ABHD18: variants seen among roughly 807,000 people sequenced by gnomAD.
ABHD18 encodes abhydrolase domain containing 18, also known as cardiolipin-specific deacylase, mitochondrial.
ABHD18 carries 55 observed loss-of-function variants against 65.9 expected under a neutral mutation model. The observed-to-expected ratio is 0.84, with a 90% CI of 0.67 to 1.05. ABHD18 has a LOEUF of 1.05. Ranked by LOEUF, ABHD18 falls within the 50% of genes least tolerant of loss-of-function variation. The pLI, the probability that ABHD18 is intolerant of heterozygous loss-of-function variation, is 0.00. For synonymous variants in ABHD18, 181 were observed against 180.2 expected (o/e 1.00, Z -0.04); for missense variants, 533 against 558.5 (o/e 0.95, Z 0.46).
At chr4:127,987,705 T>TC (rs957258813) in intron 3 of ABHD18, among the ~76,000 whole-genome samples, 11 of 142,968 alleles carry the variant, frequency 7.7e-5, no homozygotes, top group Non-Finnish European at 1.1e-4. Flanking sequence ...AGAGCAAGAC[T>TC]CAAAAAAAAA....
At chr4:128,031,099 A>G in intron 12 of ABHD18, 2 of 989,294 alleles carry the variant, frequency 2.0e-6, no homozygotes, top group South Asian at 9.3e-5. Context: ...AACCTTAAAT[A>G]AGAAGTGCTT....
chr4:128,032,636 T>TCG (rs1308246608), intron 12 of ABHD18, among the ~76,000 whole-genome samples: 1 of 152,034 alleles, frequency 6.6e-6, no homozygotes, highest in Non-Finnish European at 1.5e-5. Flanking sequence ...CAGTGAGCTA[T>TCG]CGCACCACTG....
At chr4:127,990,392 A>G (rs1444058309) in intron 4 of ABHD18, among the ~76,000 whole-genome samples, 1 of 152,032 alleles carries the variant, frequency 6.6e-6, no homozygotes, top group Non-Finnish European at 1.5e-5. Context: ...GCGAAACCCC[A>G]TCTCTACTGA....
intron 1 of ABHD18, among the ~76,000 whole-genome samples, chr4:127,973,496 C>T (rs939017994): frequency 1.3e-5 from 2 of 152,008 alleles, no homozygotes; most frequent in African/African-American, 4.8e-5. Context: ...TGGTTTCTCT[C>T]AGTGTAGCAG....
intron 3 of ABHD18, among the ~76,000 whole-genome samples, 167 bp downstream of exon 3, chr4:127,984,590 G>T (rs1416102660): frequency 1.3e-5 from 2 of 152,222 alleles, no homozygotes; most frequent in Non-Finnish European, 2.9e-5. Flanking sequence ...AGGTGTGGTG[G>T]CTCACGCCTG....
chr4:127,986,425 CTATTG>C (rs1300432480), intron 3 of ABHD18, among the ~76,000 whole-genome samples: 5 of 152,096 alleles, frequency 3.3e-5, no homozygotes, highest in African/African-American at 4.8e-5. Flanking sequence ...AAATAATATT[CTATTG>C]TATTGTATAC....
intron 11 of ABHD18, among the ~76,000 whole-genome samples, chr4:128,029,214 T>C (rs1757840203): frequency 6.7e-6 from 1 of 150,108 alleles, no homozygotes; most frequent in African/African-American, 2.5e-5. Flanking sequence ...AAAAAAGTAG[T>C]CATGTGTGGT....
chr4:127,982,226 G>A (rs1749182661), intron 1 of ABHD18, among the ~76,000 whole-genome samples: 2 of 152,114 alleles, frequency 1.3e-5, no homozygotes, highest in Non-Finnish European at 2.9e-5. Flanking sequence ...ATTTATTTAA[G>A]TAGAGTAAAC....
intron 10 of ABHD18, among the ~76,000 whole-genome samples, chr4:128,023,600 G>T (rs1756888567): frequency 6.7e-6 from 1 of 149,282 alleles, no homozygotes; most frequent in African/African-American, 2.5e-5. Context: ...AAAAAAAAAA[G>T]GCTGGGCGCA....
intron 4 of ABHD18, among the ~76,000 whole-genome samples, chr4:127,997,878 G>T: frequency 6.9e-6 from 1 of 144,744 alleles, no homozygotes; most frequent in East Asian, 2.0e-4. Flanking sequence ...CCTCCTCCTC[G>T]TTTTTTTTTG....
intron 10 of ABHD18, among the ~76,000 whole-genome samples, chr4:128,025,202 CT>C (rs1391493048): frequency 6.6e-6 from 1 of 151,864 alleles, no homozygotes; most frequent in Non-Finnish European, 1.5e-5. Context: ...CTTTTTTTAT[CT>C]TTTTCTTTTT....
intron 1 of ABHD18, among the ~76,000 whole-genome samples, chr4:127,973,124 C>G (rs911302234): frequency 3.3e-5 from 5 of 152,076 alleles, no homozygotes; most frequent in African/African-American, 1.2e-4. Flanking sequence ...AGCAATCCTC[C>G]CGCCTCAGCC....
Position 128,021,205 on chromosome 4 carries a change from A to G in ABHD18, c.768A>G (p.Glu256=). The G allele has an allele frequency of 1.9e-6, 3 of 1,547,790 alleles. No homozygotes were observed. The South Asian group carries it at 3.6e-5, about 18-fold the overall frequency. ...EKQYYTQTVY[E]EEIIHMLEYC... Reference sequence around the variant, plus strand: ...AATATTATACCCAGACAGTTTATGAAGAAGAAATTATTCACATGCTTGAAT... The same window carrying G: ...AATATTATACCCAGACAGTTTATGAGGAAGAAATTATTCACATGCTTGAAT... Residue 256 remains glutamate (E), a synonymous_variant, in exon 10 of 13, where the codon GAA becomes GAG. Coordinates refer to ENST00000645843, the MANE Select transcript of ABHD18 (RefSeq NM_001358451.3).
intron 11 of ABHD18, among the ~76,000 whole-genome samples, chr4:128,029,352 T>TCACA (rs761301032): frequency 6.6e-6 from 1 of 151,260 alleles, no homozygotes; most frequent in Non-Finnish European, 1.5e-5. Context: ...AGCAAGACTC[T>TCACA]CACACACACA....
intron 1 of ABHD18, among the ~76,000 whole-genome samples, chr4:127,974,408 C>T (rs1397356177): frequency 6.6e-6 from 1 of 151,726 alleles, no homozygotes; most frequent in African/African-American, 2.4e-5. Flanking sequence ...CTCACTGTGT[C>T]ACCCTGGCCT....
At chr4:127,978,804 C>T (rs377582243) in intron 1 of ABHD18, among the ~76,000 whole-genome samples, 1 of 152,122 alleles carries the variant, frequency 6.6e-6, no homozygotes, top group African/African-American at 2.4e-5. Flanking sequence ...TACAGATGCT[C>T]CTCAGCTTAT....
At chr4:128,014,284 A>T (rs1445946071) in intron 7 of ABHD18, among the ~76,000 whole-genome samples, 1 of 152,122 alleles carries the variant, frequency 6.6e-6, no homozygotes, top group East Asian at 1.9e-4. Context: ...CGCCCAGCTG[A>T]AGAATTTCCA....
chr4:128,039,048 C>T lies in ABHD18; in HGVS notation c.*3235C>T, dbSNP rs539717637. ...TCAAATACATAAATATACACATATA[C>T]GTATATGTATACGTTTTATATATAT... On this transcript the variant is annotated 3_prime_UTR_variant, in exon 13 of 13. Coordinates refer to ENST00000645843, the MANE Select transcript of ABHD18 (RefSeq NM_001358451.3). 6 of 147,064 alleles carry T rather than the reference C, an allele frequency of 4.1e-5. No individual in the cohort carries two copies. Among genetic ancestry groups the T allele is most frequent in the East Asian group, 2.1e-4 (1 of 4,858 alleles). 9.1% of individuals were successfully genotyped at this position (147,064 alleles called of 1,614,324 possible).
chr4:128,009,925 T>C (rs1034691122), intron 6 of ABHD18, among the ~76,000 whole-genome samples: 1 of 152,200 alleles, frequency 6.6e-6, no homozygotes, highest in Non-Finnish European at 1.5e-5. Context: ...ATGTCTAAAA[T>C]AGAAATAGTT....
Sources: gnomAD v4.1 joint callset for allele counts (sites outside exome capture counted in the v4.1 genomes callset) on GRCh38, gnomAD v4.1.1 for gene constraint, MANE v1.5 for transcripts, NCBI Gene and HGNC (gene_info 2026-07-23, HGNC 2026-07-21) for gene names.